Variants in KCND3 observed in about 807,000 individuals in gnomAD.
The protein encoded by KCND3 is potassium voltage-gated channel subfamily D member 3.
Under a neutral mutation model 51.1 loss-of-function variants are expected in KCND3, and 9 were observed. The observed-to-expected ratio is 0.18, with a 90% CI of 0.11 to 0.31. The LOEUF is 0.31. Among genes scored for constraint, KCND3 ranks in the 10% least tolerant of loss-of-function variants. The pLI is 1.00. For missense variants in KCND3, 526 were observed against 903.8 expected (o/e 0.58, Z 5.36); for synonymous variants, 349 against 368.0 (o/e 0.95, Z 0.59).
At chr1:111,783,199 CAA>C (rs67241053) in intron 3 of KCND3, among the ~76,000 whole-genome samples, 5,236 of 72,308 alleles carry the variant, frequency 0.072, 235 homozygotes, top group African/African-American at 0.21. Flanking sequence ...AATTCAAAGA[CAA>C]AAAAAAAAAA....
chr1:111,848,778 A>G (rs1003269633), intron 2 of KCND3, among the ~76,000 whole-genome samples: 7 of 152,300 alleles, frequency 4.6e-5, no homozygotes, highest in Admixed American at 2.0e-4. Flanking sequence ...GGATAGTAAG[A>G]CCTGACGTTG....
intron 2 of KCND3, among the ~76,000 whole-genome samples, chr1:111,847,646 C>T (rs753022201): frequency 6.6e-6 from 1 of 152,176 alleles, no homozygotes; most frequent in Admixed American, 6.5e-5. Context: ...AAAAATATTC[C>T]CACCAGGCCT....
rs185664426 is a variant in KCND3, at chr1:111,869,616, A to G, written c.1107-82510T>C. On this transcript the variant is annotated intron_variant, in intron 2 of 7. Coordinates refer to ENST00000302127, the MANE Select transcript of KCND3 (RefSeq NM_001378969.1). ...GAGAATTGAGACCAACACAGAGAAC[A>G]TGCACTATGTTCTCTCATTGCCAGA... is the stretch of plus-strand genomic sequence containing the variant. 4.6e-3 allele frequency among the ~76,000 whole-genome samples: 708 copies of G among 152,304 alleles called. 7 individuals carry two copies. The highest frequency in any genetic ancestry group is 0.016 in the African/African-American group (650 of 41,550).
intron 2 of KCND3, among the ~76,000 whole-genome samples, chr1:111,949,908 GTTTTA>G (rs1672971698): frequency 6.6e-6 from 1 of 152,116 alleles, no homozygotes; most frequent in Admixed American, 6.5e-5. Context: ...AAAAGTTTTT[GTTTTA>G]TTTTGTTTTG....
At chr1:111,972,195 C>T (rs1170167699) in intron 2 of KCND3, among the ~76,000 whole-genome samples, 4 of 110,302 alleles carry the variant, frequency 3.6e-5, no homozygotes, top group South Asian at 3.0e-4. Flanking sequence ...TTTTTTGAGA[C>T]GGAGTCTCGC....
intron 2 of KCND3, among the ~76,000 whole-genome samples, chr1:111,900,663 A>C (rs1039209715): frequency 3.5e-4 from 54 of 152,136 alleles, no homozygotes; most frequent in Non-Finnish European, 7.5e-4. Context: ...TAAAAAAAAA[A>C]AATACTGATT....
intron 2 of KCND3, among the ~76,000 whole-genome samples, chr1:111,920,898 C>T (rs907528908): frequency 1.3e-5 from 2 of 152,222 alleles, no homozygotes; most frequent in South Asian, 4.1e-4. Flanking sequence ...CCTCCCCTGG[C>T]CCCAGCAGGG....
intron 2 of KCND3, among the ~76,000 whole-genome samples, chr1:111,816,625 C>G (rs897266607): frequency 5.3e-5 from 8 of 152,194 alleles, no homozygotes; most frequent in Admixed American, 1.3e-4. Context: ...TCTACTGTGT[C>G]TTCATTCCTC....
At chr1:111,888,200 T>C (rs1188515198) in intron 2 of KCND3, among the ~76,000 whole-genome samples, 7 of 152,276 alleles carry the variant, frequency 4.6e-5, no homozygotes, top group Non-Finnish European at 1.0e-4. Context: ...CAGCAGAGCA[T>C]TGCCCTCCAA....
chr1:111,862,561 C>T (rs1668383756), intron 2 of KCND3, among the ~76,000 whole-genome samples: 1 of 152,162 alleles, frequency 6.6e-6, no homozygotes, highest in Non-Finnish European at 1.5e-5. Context: ...GGATCTGTGG[C>T]CATTAGTTCT....
At chr1:111,776,383 G>C (rs189872211) in intron 7 of KCND3, 105 bp from the exon 8 acceptor site, 2 of 1,004,022 alleles carry the variant, frequency 2.0e-6, no homozygotes, top group East Asian at 5.2e-5. Context: ...AGGATATTTT[G>C]TTGTGCCTCT....
chr1:111,785,120 C>A (rs1241905374), intron 3 of KCND3, among the ~76,000 whole-genome samples: 1 of 152,132 alleles, frequency 6.6e-6, no homozygotes, highest in Admixed American at 6.5e-5. Context: ...GAGAACACAG[C>A]TGGAATGGGC....
intron 2 of KCND3, among the ~76,000 whole-genome samples, chr1:111,880,913 T>C (rs1669274073): frequency 1.3e-5 from 2 of 152,166 alleles, no homozygotes; most frequent in African/African-American, 4.8e-5. Context: ...TCTCGGTCCG[T>C]CCCAGCCCCC....
chr1:111,897,865 A>G (rs1020771104), intron 2 of KCND3, among the ~76,000 whole-genome samples: 1 of 152,252 alleles, frequency 6.6e-6, no homozygotes, highest in African/African-American at 2.4e-5. Context: ...AACACAGGCC[A>G]GGCATAAAGG....
chr1:111,834,870 TGCCCAGCTGTGGACATGCTTCAG>T (rs1471175987), intron 2 of KCND3, among the ~76,000 whole-genome samples: 2 of 152,238 alleles, frequency 1.3e-5, no homozygotes, highest in Non-Finnish European at 2.9e-5. Context: ...TCAGCCAGGA[TGCCCAGCTGTGGACATGCTTCAG>T]TCTGTCAATA....
At chr1:111,916,364 T>C (rs146878943) in intron 2 of KCND3, among the ~76,000 whole-genome samples, 177 of 152,256 alleles carry the variant, frequency 1.2e-3, no homozygotes, top group African/African-American at 4.2e-3. Flanking sequence ...TTAGAAAATA[T>C]TTTGAACTGA....
At chr1:111,858,288 C>G (rs549565335) in intron 2 of KCND3, among the ~76,000 whole-genome samples, 1 of 152,344 alleles carries the variant, frequency 6.6e-6, no homozygotes, top group East Asian at 1.9e-4. Context: ...CTCTTAGGGA[C>G]TGCCTTACTT....
chr1:111,846,025 T>G (rs1168106099), intron 2 of KCND3, among the ~76,000 whole-genome samples: 1 of 152,218 alleles, frequency 6.6e-6, no homozygotes, highest in Non-Finnish European at 1.5e-5. Context: ...TCAGTGGGTT[T>G]GCAAAGCTCT....
At position 111,787,229 on chromosome 1, in the gene KCND3, A is replaced by G. The variant is rs1664645721; in HGVS notation, c.1107-123T>C. ...CATTCAGCAATTGCTTAGAGTATCTACTATGTGCCAGGTACTGTGACATGG... is the reference window on the plus strand; with the variant it reads ...CATTCAGCAATTGCTTAGAGTATCTGCTATGTGCCAGGTACTGTGACATGG... On this transcript the variant is annotated intron_variant, in intron 2 of 7. Transcript: ENST00000302127. The G allele has an allele frequency of 2.9e-6, 3 of 1,020,726 alleles. No individual in the cohort carries two copies. The East Asian group carries it at 7.5e-5, about 25-fold the overall frequency. The allele number at this position is 1,020,726 out of a possible 1,614,324, so 63.2% of individuals were successfully genotyped here.
Sources: gnomAD v4.1 joint callset for allele counts (sites outside exome capture counted in the v4.1 genomes callset) on GRCh38, gnomAD v4.1.1 for gene constraint, MANE v1.5 for transcripts, NCBI Gene and HGNC (gene_info 2026-07-23, HGNC 2026-07-21) for gene names.